The following CFAP77 variants were observed in gnomAD, a reference collection of about 807,000 sequenced individuals.
CFAP77 encodes cilia and flagella associated protein 77.
CFAP77 carries 25 observed loss-of-function variants against 31.1 expected under a neutral mutation model. The observed-to-expected ratio is 0.80, with a 90% CI of 0.59 to 1.12. CFAP77 has a LOEUF of 1.12. Ranked by LOEUF, CFAP77 falls within the 50% of genes most tolerant of loss-of-function variation. The pLI is 0.00. For synonymous variants in CFAP77, 151 were observed against 159.9 expected, an observed-to-expected ratio of 0.94 and a Z score of 0.42; for missense variants, 377 against 397.3, an observed-to-expected ratio of 0.95 and a Z score of 0.44.
intron 3 of CFAP77, among the ~76,000 whole-genome samples, chr9:132,505,261 CT>C (rs1016908926): frequency 6.6e-6 from 1 of 152,232 alleles, no homozygotes; most frequent in Non-Finnish European, 1.5e-5. Flanking sequence ...GGTGCACCCC[CT>C]CTTCTCCACA....
At position 132,481,872 on chromosome 9, in the gene CFAP77, A is replaced by G. The variant is rs1228298592; in HGVS notation, c.196-16823A>G. Among the ~76,000 whole-genome samples the G allele has an allele frequency of 6.6e-6, 1 of 151,920 alleles. No homozygotes were observed. The highest frequency in any genetic ancestry group is 1.9e-4 in the East Asian group (1 of 5,176). ...GACATGGAAATAAAACTTACAATCA[A>G]TAAGATATTATGAAATATACATCAA... On this transcript the variant is annotated intron_variant, in intron 1 of 5. Coordinates refer to ENST00000393216, the MANE Select transcript of CFAP77 (RefSeq NM_001282957.2). This position sits in a 1 kb window ranked among gnomAD's most constrained non-coding sequence, Gnocchi z 5.0.
At position 132,521,778 on chromosome 9, in the gene CFAP77, T is replaced by TTTTTG. The variant is rs1554747342; in HGVS notation, c.525-15819_525-15818insGTTTT. 7.5e-5 allele frequency among the ~76,000 whole-genome samples: 8 copies of TTTTTG among 106,146 alleles called. No homozygotes were observed. The East Asian group carries it at 1.7e-3, about 23-fold the overall frequency. The allele number at this position is 106,146 out of a possible 152,430, so 69.6% of individuals were successfully genotyped here. A position where few individuals can be genotyped will look rare whatever the true frequency, so the allele number is the denominator to read the frequency against. ...ATAGACTTGCTTTTTTTTTTTTTTTTTTTTTTGAGATGAAGTCTCACTCTG... is the reference window on the plus strand; with the variant it reads ...ATAGACTTGCTTTTTTTTTTTTTTTTTTTTGTTTTTTGAGATGAAGTCTCACTCTG... On this transcript the variant is annotated intron_variant, in intron 3 of 5. Coordinates refer to ENST00000393216, the MANE Select transcript of CFAP77 (RefSeq NM_001282957.2).
intron 1 of CFAP77, among the ~76,000 whole-genome samples, chr9:132,430,145 T>A (rs1850387365): frequency 6.6e-6 from 1 of 152,168 alleles, no homozygotes; most frequent in African/African-American, 2.4e-5. Flanking sequence ...TTTCTGTTTG[T>A]CTGCTTCTGT....
At chr9:132,553,581 T>C (rs570493504) in intron 5 of CFAP77, among the ~76,000 whole-genome samples, 2 of 152,360 alleles carry the variant, frequency 1.3e-5, no homozygotes, top group African/African-American at 2.4e-5. Flanking sequence ...TTGATCCCCA[T>C]GGAATCACCT....
At chr9:132,428,911 A>G (rs1850359304) in intron 1 of CFAP77, among the ~76,000 whole-genome samples, 1 of 151,982 alleles carries the variant, frequency 6.6e-6, no homozygotes, top group Non-Finnish European at 1.5e-5. Context: ...GTCATATCTC[A>G]TTCACATGTG....
chr9:132,557,941 T>C (rs1852929832), intron 5 of CFAP77, among the ~76,000 whole-genome samples: 1 of 152,162 alleles, frequency 6.6e-6, no homozygotes. Context: ...GGAGACTCCA[T>C]GTTGATCTTT....
chr9:132,487,017 A>T lies in CFAP77; in HGVS notation c.196-11678A>T, dbSNP rs375339184. On this transcript the variant is annotated intron_variant, in intron 1 of 5. Transcript: ENST00000393216. ...CAGCCCCGGGCCGTGGGAACCAGAC[A>T]GGGCTGGACTGGGTGGCGGGGCAGG... is the stretch of plus-strand genomic sequence containing the variant. Among the ~76,000 whole-genome samples the T allele has an allele frequency of 7.9e-5, 12 of 152,358 alleles. No individual in the cohort carries two copies. The South Asian group carries it at 1.2e-3, about 16-fold the overall frequency.
intron 5 of CFAP77, among the ~76,000 whole-genome samples, chr9:132,560,702 T>C (rs1197788727): frequency 2.0e-5 from 3 of 152,204 alleles, no homozygotes; most frequent in Non-Finnish European, 2.9e-5. Flanking sequence ...CTGGGTGTCC[T>C]TGGGCCGGTG....
At chr9:132,412,670 G>T (rs1202603053) in intron 1 of CFAP77, among the ~76,000 whole-genome samples, 2 of 151,490 alleles carry the variant, frequency 1.3e-5, no homozygotes, top group Non-Finnish European at 2.9e-5. Flanking sequence ...GCAGAGATTG[G>T]GTTTGCAGCT....
At chr9:132,476,335 C>T (rs115643733) in intron 1 of CFAP77, among the ~76,000 whole-genome samples, 2,855 of 152,200 alleles carry the variant, frequency 0.019, 83 homozygotes, top group African/African-American at 0.066. Context: ...TAGTGACCCA[C>T]CCTCCTCTTG....
At chr9:132,537,110 G>A (rs536791993) in intron 3 of CFAP77, among the ~76,000 whole-genome samples, 1 of 152,316 alleles carries the variant, frequency 6.6e-6, no homozygotes, top group South Asian at 2.1e-4. Context: ...TAGCTGAGGA[G>A]CCAAGGGAGG....
At chr9:132,420,544 C>T (rs917440927) in intron 1 of CFAP77, among the ~76,000 whole-genome samples, 7 of 151,740 alleles carry the variant, frequency 4.6e-5, no homozygotes, top group Non-Finnish European at 8.8e-5. Flanking sequence ...ACCTGTAATC[C>T]CAGGTACTCG....
At chr9:132,422,385 A>T (rs998060883) in intron 1 of CFAP77, among the ~76,000 whole-genome samples, 2 of 152,172 alleles carry the variant, frequency 1.3e-5, no homozygotes, top group African/African-American at 2.4e-5. Flanking sequence ...CACATTGCGG[A>T]GGAGTGCAGG....
In CFAP77 at chr9:132,498,816, A is replaced by C. The variant is rs1453031771; in HGVS notation, c.295+22A>C. 1.3e-6 allele frequency: 2 copies of C among 1,557,668 alleles called. No individual in the cohort carries two copies. Among genetic ancestry groups the C allele is most frequent in the Non-Finnish European group, 1.8e-6 (2 of 1,136,470 alleles). ...GAAGGTGAGCGAGCAGCTTTGGAGC[A>C]TGAGGGCAGAGGAGTGGGAGGGAGG... On this transcript the variant is annotated intron_variant, in intron 2 of 5. Transcript: ENST00000393216. The surrounding 1 kb of genome is among the most constrained non-coding windows in gnomAD (Gnocchi z 4.2).
intron 1 of CFAP77, among the ~76,000 whole-genome samples, chr9:132,461,041 A>G (rs1851038600): frequency 6.6e-6 from 1 of 152,200 alleles, no homozygotes; most frequent in South Asian, 2.1e-4. Context: ...GGTCAATTTT[A>G]TACTACGTAA....
intron 3 of CFAP77, among the ~76,000 whole-genome samples, chr9:132,523,766 C>A (rs557130083): frequency 6.6e-6 from 1 of 152,258 alleles, no homozygotes; most frequent in East Asian, 1.9e-4. Flanking sequence ...AATTAATATG[C>A]CCAGGCTCGG....
At chr9:132,483,791 C>T (rs1851491055) in intron 1 of CFAP77, among the ~76,000 whole-genome samples, 1 of 152,160 alleles carries the variant, frequency 6.6e-6, no homozygotes, top group Non-Finnish European at 1.5e-5. Flanking sequence ...GACTGAGCCA[C>T]GTTTTCAAAG....
At chr9:132,477,554 G>A (rs1440714099) in intron 1 of CFAP77, among the ~76,000 whole-genome samples, 4 of 152,214 alleles carry the variant, frequency 2.6e-5, no homozygotes, top group Admixed American at 6.5e-5. Flanking sequence ...GGTCAGCAGG[G>A]GTCAAGCGCC....
rs185204059 is a variant in CFAP77, at chr9:132,419,134, T to C, written c.195+8668T>C. 1.6e-4 allele frequency among the ~76,000 whole-genome samples: 24 copies of C among 152,290 alleles called. No homozygotes were observed. In the East Asian group the frequency reaches 4.6e-3, roughly 29 times the overall value. ...GGGAGAATGGCCACCAAAAGGATTG[T>C]GGAAAACACATAATGAGCCAAAAAG... On this transcript the variant is annotated intron_variant, in intron 1 of 5. Transcript: ENST00000393216.
Sources: allele counts gnomAD v4.1 joint callset (sites outside exome capture counted in the v4.1 genomes callset), GRCh38; gene constraint gnomAD v4.1.1; non-coding constraint Gnocchi (gnomAD v3.1); transcripts MANE v1.5; gene names NCBI Gene and HGNC (gene_info 2026-07-23, HGNC 2026-07-21).